The following ACTA2 variants were observed in gnomAD, a reference collection of about 807,000 sequenced individuals.
ACTA2 encodes actin alpha 2, smooth muscle, also known as actin, aortic smooth muscle.
Under a neutral mutation model 39.5 loss-of-function variants are expected in ACTA2, and 12 were observed. The ratio of observed to expected loss-of-function variants is 0.30; its 90% CI spans 0.19 to 0.49. ACTA2 has a LOEUF of 0.49. ACTA2 is among the 20% of genes least tolerant of loss of function. The pLI is 0.99. For synonymous variants in ACTA2, 158 were observed against 180.6 expected, an observed-to-expected ratio of 0.88 and a Z score of 1.00; for missense variants, 236 against 498.8, an observed-to-expected ratio of 0.47 and a Z score of 5.02.
At chr10:88,941,127 G>C (rs1845839684) in intron 6 of ACTA2, 102 bp downstream of exon 6, 1 of 1,485,746 alleles carries the variant, frequency 6.7e-7, no homozygotes, top group African/African-American at 1.4e-5. Context: ...CTTGCCATTT[G>C]CAAAACTTCA....
intron 1 of ACTA2, among the ~76,000 whole-genome samples, chr10:88,984,848 G>A (rs1846829200): frequency 6.6e-6 from 1 of 152,216 alleles, no homozygotes; most frequent in Non-Finnish European, 1.5e-5. Context: ...GGGAGAGCCT[G>A]ATCTGATGAT....
intron 1 of ACTA2, chr10:88,973,054 C>A: frequency 9.3e-7 from 1 of 1,079,060 alleles, no homozygotes; most frequent in Non-Finnish European, 1.3e-6. Context: ...ATTTTAAAAG[C>A]TAACCTTGTA....
At chr10:88,964,567 C>A (rs1846288998) in intron 1 of ACTA2, among the ~76,000 whole-genome samples, 1 of 152,140 alleles carries the variant, frequency 6.6e-6, no homozygotes, top group Non-Finnish European at 1.5e-5. Flanking sequence ...CAACCTTTGT[C>A]CTTCTTGGTA....
At chr10:88,984,320 G>A (rs867730912) in intron 1 of ACTA2, among the ~76,000 whole-genome samples, 1 of 152,118 alleles carries the variant, frequency 6.6e-6, no homozygotes, top group Non-Finnish European at 1.5e-5. Flanking sequence ...TAAAGTGGGA[G>A]GTGTTGATCT....
intron 8 of ACTA2, chr10:88,935,580 A>G: frequency 1.9e-6 from 1 of 519,808 alleles, no homozygotes; most frequent in East Asian, 3.6e-5. Context: ...TTCAGTAAGC[A>G]CATTCGTTTT....
intron 6 of ACTA2, 181 bp from the exon 7 acceptor site, chr10:88,939,879 C>A (rs1589392956): frequency 1.5e-6 from 1 of 663,268 alleles, no homozygotes; most frequent in African/African-American, 1.8e-5. Context: ...GGAACCACCT[C>A]TGTTCCTAGG....
intron 1 of ACTA2, among the ~76,000 whole-genome samples, chr10:88,980,771 A>G (rs1846691527): frequency 6.6e-6 from 1 of 152,228 alleles, no homozygotes; most frequent in Non-Finnish European, 1.5e-5. Context: ...GTACAGTTAC[A>G]AGGCAATGAT....
At chr10:88,962,059 T>A (rs1846234005) in intron 1 of ACTA2, among the ~76,000 whole-genome samples, 1 of 152,152 alleles carries the variant, frequency 6.6e-6, no homozygotes, top group Admixed American at 6.6e-5. Context: ...CAAGGATGAC[T>A]GAAAAGGCCA....
chr10:88,958,770 G>C (rs6421389), intron 1 of ACTA2, among the ~76,000 whole-genome samples: 90,779 of 152,028 alleles, frequency 0.6, 28,806 homozygotes, highest in East Asian at 0.94. Flanking sequence ...CAGCTTCCTA[G>C]TGATTGAAGC....
At position 88,990,925 on chromosome 10, in the gene ACTA2, G is replaced by T. The variant is rs202165529; in HGVS notation, c.-24+14C>A. 1.0e-4 allele frequency: 167 copies of T among 1,614,076 alleles called. No individual in the cohort carries two copies. Among genetic ancestry groups the T allele is most frequent in the Non-Finnish European group, 1.3e-4 (159 of 1,180,022 alleles). On this transcript the variant is annotated intron_variant, in intron 1 of 4. Coordinates refer to the ACTA2 transcript ENST00000415557. This position sits in a 1 kb window ranked among gnomAD's most constrained non-coding sequence, Gnocchi z 4.9. Reference sequence around the variant, plus strand: ...ACCTCTGGTGAGCCCTCTCCTGCCCGGGTGGAGGCTTACCCCGTCTTAGTC... The same window carrying T: ...ACCTCTGGTGAGCCCTCTCCTGCCCTGGTGGAGGCTTACCCCGTCTTAGTC...
intron 3 of ACTA2, among the ~76,000 whole-genome samples, chr10:88,945,340 AAGAT>A (rs1845925978): frequency 6.6e-6 from 1 of 152,228 alleles, no homozygotes. Flanking sequence ...TTTTTGTAGA[AAGAT>A]AGAGCTTGGA....
intron 4 of ACTA2, 78 bp from the exon 5 acceptor site, chr10:88,941,947 A>G: frequency 3.7e-6 from 5 of 1,345,504 alleles, no homozygotes; most frequent in East Asian, 2.5e-5. Context: ...CACCTGGTTG[A>G]TGGATGCAGA....
chr10:88,963,599 C>A (rs1034195636), intron 1 of ACTA2, among the ~76,000 whole-genome samples: 3 of 152,224 alleles, frequency 2.0e-5, no homozygotes, highest in African/African-American at 7.2e-5. Flanking sequence ...CTATTTAAAC[C>A]AATAGCAAAT....
chr10:88,981,186 G>C, intron 1 of ACTA2, among the ~76,000 whole-genome samples: 1 of 152,200 alleles, frequency 6.6e-6, no homozygotes, highest in East Asian at 1.9e-4. Context: ...CTCGAGCTCT[G>C]CCACATACTC....
chr10:88,958,496 A>G (rs76477177), intron 1 of ACTA2, among the ~76,000 whole-genome samples: 336 of 152,294 alleles, frequency 2.2e-3, no homozygotes, highest in Non-Finnish European at 3.5e-3. Flanking sequence ...TAAGTGGTAG[A>G]GCAGGGATTC....
intron 3 of ACTA2, among the ~76,000 whole-genome samples, chr10:88,944,250 T>G (rs1314207926): frequency 1.3e-5 from 2 of 152,154 alleles, no homozygotes; most frequent in African/African-American, 4.8e-5. Context: ...TTTTTAACCC[T>G]TCTCAGCTTC....
At chr10:88,983,638 A>AACACACACACAC (rs755182708) in intron 1 of ACTA2, among the ~76,000 whole-genome samples, 1 of 102,882 alleles carries the variant, frequency 9.7e-6, no homozygotes, top group African/African-American at 4.7e-5. Flanking sequence ...AAAAAAAAAA[A>AACACACACACAC]ACACACACAC....
intron 1 of ACTA2, among the ~76,000 whole-genome samples, chr10:88,987,273 T>C (rs1846928603): frequency 6.6e-6 from 1 of 152,266 alleles, no homozygotes; most frequent in Non-Finnish European, 1.5e-5. Flanking sequence ...CAATTAACTT[T>C]TGTAACAAAA....
At chr10:88,973,088 A>C in intron 1 of ACTA2, 1 of 1,384,210 alleles carries the variant, frequency 7.2e-7, no homozygotes, top group African/African-American at 1.5e-5. Flanking sequence ...TCAAAAAATA[A>C]TTTTAACTTC....
Sources: allele counts gnomAD v4.1 joint callset (sites outside exome capture counted in the v4.1 genomes callset), GRCh38; gene constraint gnomAD v4.1.1; non-coding constraint Gnocchi (gnomAD v3.1); transcripts MANE v1.5; gene names NCBI Gene and HGNC (gene_info 2026-07-23, HGNC 2026-07-21).